PLCH1: variants seen among roughly 807,000 people sequenced by gnomAD.
PLCH1 encodes phospholipase C eta 1.
PLCH1 carries 60 observed loss-of-function variants against 126.7 expected under a neutral mutation model. The ratio of observed to expected loss-of-function variants is 0.47; its 90% CI spans 0.38 to 0.59. The LOEUF (loss-of-function observed/expected upper bound fraction) is 0.59, where lower values mean the gene tolerates loss of function less well. Ranked by LOEUF, PLCH1 falls within the 20% of genes least tolerant of loss-of-function variation. The pLI, the probability that PLCH1 is intolerant of heterozygous loss-of-function variation, is 0.00. For synonymous variants in PLCH1, 719 were observed against 734.9 expected (o/e 0.98, Z 0.35); for missense variants, 1,723 against 2,040.0 (o/e 0.84, Z 2.99).
intron 2 of PLCH1, among the ~76,000 whole-genome samples, chr3:155,659,580 A>G (rs1296638923): frequency 1.3e-5 from 2 of 150,284 alleles, no homozygotes; most frequent in African/African-American, 2.4e-5. Context: ...GCTCACTGCA[A>G]CTCCACCTCC....
chr3:155,546,605 G>A (rs540800386), intron 10 of PLCH1, among the ~76,000 whole-genome samples: 190 of 152,224 alleles, frequency 1.2e-3, no homozygotes, highest in African/African-American at 4.4e-3. Flanking sequence ...AAAAGAACAA[G>A]GCTGGAGGCA....
rs374944220 is a variant in PLCH1, at chr3:155,564,133, AT to A, written c.1069+781del. Among the ~76,000 whole-genome samples, 614 of 152,274 alleles carry A rather than the reference AT, an allele frequency of 4.0e-3. 6 individuals are homozygous for A. The highest frequency in any genetic ancestry group is 0.026 in the South Asian group (127 of 4,824). Reference sequence around the variant, plus strand: ...TGGTTTATATTATTTTATAAAAAAAATGTTCATCCCTTCTACTAGACTGTGA... The same window carrying A: ...TGGTTTATATTATTTTATAAAAAAAAGTTCATCCCTTCTACTAGACTGTGA... On this transcript the variant is annotated intron_variant, in intron 8 of 22. Coordinates refer to ENST00000460012, the MANE Select transcript of PLCH1 (RefSeq NM_014996.4).
Position 155,492,717 on chromosome 3 carries a change from T to C in PLCH1, c.2307+12A>G. 5 of 1,556,972 alleles carry C rather than the reference T, an allele frequency of 3.2e-6. No homozygotes were observed. The highest frequency in any genetic ancestry group is 4.3e-6 in the Non-Finnish European group (5 of 1,155,526). Reference sequence around the variant, plus strand: ...AATTAACCACTTAGACACGTAGTCATAGGCAACTTACCTCGCCTCGATCTC... The same window carrying C: ...AATTAACCACTTAGACACGTAGTCACAGGCAACTTACCTCGCCTCGATCTC... On this transcript the variant is annotated intron_variant, in intron 18 of 22. Transcript: ENST00000460012.
At chr3:155,744,760 C>T (rs1253730157) in intron 1 of PLCH1, 80 bp downstream of exon 1, 1 of 152,908 alleles carries the variant, frequency 6.5e-6, no homozygotes, top group African/African-American at 2.4e-5. Context: ...CTCACTCGCT[C>T]ATCGGACTGG....
intron 8 of PLCH1, among the ~76,000 whole-genome samples, chr3:155,554,595 C>T (rs1397761595): frequency 6.6e-6 from 1 of 152,168 alleles, no homozygotes; most frequent in Non-Finnish European, 1.5e-5. Flanking sequence ...TAGAAAGTCA[C>T]AGTGTCCTTC....
intron 2 of PLCH1, among the ~76,000 whole-genome samples, chr3:155,619,782 C>T (rs73874882): frequency 0.035 from 5,278 of 151,914 alleles, 317 homozygotes; most frequent in African/African-American, 0.12. Context: ...CAACCACAGA[C>T]AGTTGGAAAT....
intron 10 of PLCH1, among the ~76,000 whole-genome samples, chr3:155,527,915 G>A (rs555382844): frequency 3.1e-5 from 4 of 127,462 alleles, no homozygotes; most frequent in African/African-American, 9.4e-5. Context: ...GTGACACTCC[G>A]TTTCAAAAAA....
chr3:155,640,927 C>T (rs1471867911), intron 2 of PLCH1, among the ~76,000 whole-genome samples: 4 of 152,082 alleles, frequency 2.6e-5, no homozygotes, highest in Admixed American at 6.6e-5. Context: ...TAAATTTCAA[C>T]GAACGAATTC....
chr3:155,490,509 C>A (rs1310638995), intron 19 of PLCH1, among the ~76,000 whole-genome samples: 1 of 151,904 alleles, frequency 6.6e-6, no homozygotes. Context: ...AATTTTTAAC[C>A]CAATTCTTTA....
chr3:155,715,547 T>A (rs1251502763), intron 1 of PLCH1, among the ~76,000 whole-genome samples: 2 of 151,716 alleles, frequency 1.3e-5, no homozygotes, highest in Non-Finnish European at 2.9e-5. Flanking sequence ...TCAAGTGATC[T>A]GCCTGCCTCA....
At chr3:155,630,223 A>G (rs527460831) in intron 2 of PLCH1, among the ~76,000 whole-genome samples, 1 of 152,368 alleles carries the variant, frequency 6.6e-6, no homozygotes, top group African/African-American at 2.4e-5. Flanking sequence ...TTAAAAAATT[A>G]AAGAGTATTT....
At chr3:155,630,557 G>A (rs1274631130) in intron 2 of PLCH1, among the ~76,000 whole-genome samples, 1 of 152,122 alleles carries the variant, frequency 6.6e-6, no homozygotes, top group African/African-American at 2.4e-5. Flanking sequence ...CATATTTTAG[G>A]CTCCTCTAGT....
chr3:155,563,364 G>A (rs1239896361), intron 8 of PLCH1, among the ~76,000 whole-genome samples: 1 of 152,168 alleles, frequency 6.6e-6, no homozygotes, highest in Non-Finnish European at 1.5e-5. Context: ...TCAGCAGATG[G>A]AAAACTGGAC....
At chr3:155,564,878 A>C in intron 8 of PLCH1, 37 bp downstream of exon 8, 1 of 1,356,698 alleles carries the variant, frequency 7.4e-7, no homozygotes, top group Non-Finnish European at 1.1e-6. Context: ...GGACAGGGTC[A>C]CCCATACACA....
intron 2 of PLCH1, among the ~76,000 whole-genome samples, chr3:155,669,126 C>T (rs1743119573): frequency 6.6e-6 from 1 of 151,286 alleles, no homozygotes; most frequent in African/African-American, 2.4e-5. Flanking sequence ...TGGGCATCAC[C>T]ACTTGCTTTC....
intron 2 of PLCH1, among the ~76,000 whole-genome samples, chr3:155,628,091 A>G (rs1305693027): frequency 2.6e-5 from 4 of 152,096 alleles, no homozygotes; most frequent in Admixed American, 2.0e-4. Context: ...TATGTGAACA[A>G]AAAAGTTACA....
intron 2 of PLCH1, among the ~76,000 whole-genome samples, chr3:155,603,127 TAGC>T (rs1733949828): frequency 6.7e-6 from 1 of 149,116 alleles, no homozygotes; most frequent in Non-Finnish European, 1.5e-5. Context: ...AACTGTGAAT[TAGC>T]AGGCACAAAA....
chr3:155,530,252 C>T (rs554046740), intron 10 of PLCH1, among the ~76,000 whole-genome samples: 1 of 152,016 alleles, frequency 6.6e-6, no homozygotes, highest in Non-Finnish European at 1.5e-5. Context: ...AACCCACTTG[C>T]TTTGCTTATT....
At chr3:155,549,982 A>G (rs752017044) in intron 9 of PLCH1, 24 bp from the exon 10 acceptor site, 1 of 1,596,904 alleles carries the variant, frequency 6.3e-7, no homozygotes, top group Non-Finnish European at 8.5e-7. Context: ...AACACAGTCC[A>G]GAGGCGTCAG....
Sources: allele counts gnomAD v4.1 joint callset (sites outside exome capture counted in the v4.1 genomes callset), GRCh38; gene constraint gnomAD v4.1.1; transcripts MANE v1.5; gene names NCBI Gene and HGNC (gene_info 2026-07-23, HGNC 2026-07-21).